ATL2: variants seen among roughly 807,000 people sequenced by gnomAD.
ATL2 encodes the protein atlastin GTPase 2.
In ATL2, 31 loss-of-function variants were observed where a neutral mutation model predicts 73.9. The ratio of observed to expected loss-of-function variants is 0.42; its 90% CI spans 0.32 to 0.57. ATL2 has a LOEUF of 0.57. Among genes scored for constraint, ATL2 ranks in the 20% least tolerant of loss-of-function variants. The pLI, the probability that ATL2 is intolerant of heterozygous loss-of-function variation, is 0.14. For synonymous variants in ATL2, 291 were observed against 237.5 expected (o/e 1.23, Z -2.07); for missense variants, 738 against 702.6 (o/e 1.05, Z -0.57).
At chr2:38,331,481 A>G (rs1184323832) in intron 2 of ATL2, among the ~76,000 whole-genome samples, 1 of 150,160 alleles carries the variant, frequency 6.7e-6, no homozygotes, top group Admixed American at 6.7e-5. Context: ...ATGGCAGCGC[A>G]TGCCTGTAGT....
intron 1 of ATL2, among the ~76,000 whole-genome samples, chr2:38,350,976 T>G (rs1670303679): frequency 6.6e-6 from 1 of 152,186 alleles, no homozygotes; most frequent in South Asian, 2.1e-4. Context: ...TATAATAAAA[T>G]GTAGCATTAA....
rs117743803 is a variant in ATL2 at position 38,300,717 on chromosome 2, C to G, written c.1072-389G>C. ...TGAGGCTGGAGTGCAGTGGGATGATCACAGCTTACTGCAACCTCGAATTCC... is the reference window on the plus strand; with the variant it reads ...TGAGGCTGGAGTGCAGTGGGATGATGACAGCTTACTGCAACCTCGAATTCC... On this transcript the variant is annotated intron_variant, in intron 9 of 12. Coordinates refer to ENST00000378954, the MANE Select transcript of ATL2 (RefSeq NM_001135673.4). 3.9e-4 allele frequency among the ~76,000 whole-genome samples: 59 copies of G among 151,910 alleles called. No individual in the cohort carries two copies. In the East Asian group the frequency reaches 9.7e-3, roughly 25 times the overall value.
intron 2 of ATL2, among the ~76,000 whole-genome samples, chr2:38,322,085 G>C (rs139679374): frequency 5.3e-5 from 8 of 151,810 alleles, no homozygotes; most frequent in Non-Finnish European, 1.0e-4. Flanking sequence ...AGTCTCTTGA[G>C]AGCAAAGGCT....
intron 1 of ATL2, 54 bp from the exon 2 acceptor site, chr2:38,343,566 T>C (rs1669854162): frequency 5.8e-6 from 9 of 1,546,282 alleles, no homozygotes; most frequent in South Asian, 4.7e-5. Context: ...TTACGAACTT[T>C]CATTAAGGAC....
intron 2 of ATL2, among the ~76,000 whole-genome samples, chr2:38,326,625 A>C (rs1462713358): frequency 6.6e-6 from 1 of 152,226 alleles, no homozygotes; most frequent in Non-Finnish European, 1.5e-5. Flanking sequence ...ATCTTGAAAG[A>C]AGCCAGGAAC....
intron 9 of ATL2, among the ~76,000 whole-genome samples, chr2:38,304,481 C>T (rs1008902134): frequency 6.6e-6 from 1 of 152,112 alleles, no homozygotes; most frequent in Non-Finnish European, 1.5e-5. Flanking sequence ...ATAGTAAACA[C>T]ACAGAAAAAC....
intron 2 of ATL2, among the ~76,000 whole-genome samples, chr2:38,325,652 ACAC>A (rs1260101593): frequency 2.8e-5 from 2 of 72,330 alleles, no homozygotes; most frequent in Non-Finnish European, 2.6e-5. Context: ...ACACACACAC[ACAC>A]ACCAGTACAC....
intron 1 of ATL2, among the ~76,000 whole-genome samples, chr2:38,368,314 G>A (rs1056757212): frequency 1.3e-5 from 2 of 149,340 alleles, no homozygotes; most frequent in African/African-American, 4.9e-5. Flanking sequence ...GCGCAATGGT[G>A]CAATCTCAGT....
chr2:38,367,541 G>A (rs1439792650), intron 1 of ATL2, among the ~76,000 whole-genome samples: 3 of 119,006 alleles, frequency 2.5e-5, no homozygotes, highest in Admixed American at 1.2e-4. Flanking sequence ...GGAAGGCGGA[G>A]CTTGCAGTGA....
At chr2:38,331,239 C>A (rs1463502501) in intron 2 of ATL2, among the ~76,000 whole-genome samples, 3 of 151,948 alleles carry the variant, frequency 2.0e-5, no homozygotes, top group Non-Finnish European at 2.9e-5. Flanking sequence ...TGGAGACCAT[C>A]CTGGCCAACT....
chr2:38,377,146 G>C lies in ATL2; in HGVS notation c.115C>G (p.Leu39Val), dbSNP rs747751291. ...CCTCTGCCTCGCTGGCCCGTACCTA[G>C]GGAGGTCGTGGACGAGACGTGGTTA... Reference protein sequence around the residue: ...AVNHVSSTTSLGENYEDDDLV... With the variant: ...AVNHVSSTTSVGENYEDDDLV... Residue 39 changes from leucine (L) to valine (V), a missense_variant, in exon 1 of 13, where the codon CTA becomes GTA. By Grantham distance (32) the Leu-to-Val change is conservative. Transcript: ENST00000378954. 25 of 1,610,210 alleles carry C rather than the reference G, an allele frequency of 1.6e-5. No individual in the cohort carries two copies. The African/African-American group carries it at 3.2e-4, about 21-fold the overall frequency.
chr2:38,357,485 C>T (rs1398794610), intron 1 of ATL2, among the ~76,000 whole-genome samples: 2 of 151,006 alleles, frequency 1.3e-5, no homozygotes, highest in Non-Finnish European at 2.9e-5. Flanking sequence ...GAAACCTCAT[C>T]TCTACTAAAA....
intron 9 of ATL2, among the ~76,000 whole-genome samples, chr2:38,308,135 A>G (rs1243094020): frequency 6.6e-6 from 1 of 152,242 alleles, no homozygotes; most frequent in Non-Finnish European, 1.5e-5. Flanking sequence ...ATCAGTATAT[A>G]GAAGATACAT....
intron 2 of ATL2, among the ~76,000 whole-genome samples, chr2:38,325,698 GTACACACACA>G (rs1558412137): frequency 4.9e-4 from 2 of 4,096 alleles, no homozygotes; most frequent in Non-Finnish European, 9.2e-4. Context: ...ACACACACCA[GTACACACACA>G]CACACACACA....
chr2:38,334,829 C>CCT (rs1239686839), intron 2 of ATL2, among the ~76,000 whole-genome samples: 2 of 69,920 alleles, frequency 2.9e-5, no homozygotes, highest in Non-Finnish European at 7.0e-5. Context: ...TAATATTCAA[C>CCT]ATTATAGTTA....
chr2:38,311,669 T>C (rs1282876128), intron 7 of ATL2, among the ~76,000 whole-genome samples: 2 of 152,202 alleles, frequency 1.3e-5, no homozygotes, highest in Non-Finnish European at 2.9e-5. Flanking sequence ...GTCAGGATAC[T>C]GGTAGAGGGT....
intron 2 of ATL2, among the ~76,000 whole-genome samples, chr2:38,333,792 A>G (rs1669139639): frequency 6.6e-6 from 1 of 152,218 alleles, no homozygotes; most frequent in South Asian, 2.1e-4. Context: ...AGTCTCTCCT[A>G]AAATGCTGCA....
chr2:38,316,484 T>C (rs1012994466), intron 4 of ATL2, among the ~76,000 whole-genome samples: 2 of 152,186 alleles, frequency 1.3e-5, no homozygotes, highest in Admixed American at 1.3e-4. Context: ...AGTATGTATT[T>C]GTTGAAGGAA....
At chr2:38,300,217 A>C in intron 10 of ATL2, 55 bp downstream of exon 10, 6 of 1,376,716 alleles carry the variant, frequency 4.4e-6, no homozygotes, top group Non-Finnish European at 6.0e-6. Flanking sequence ...AAAGATTTTT[A>C]TTCTCCCTCA....
Sources: gnomAD v4.1 joint callset for allele counts (sites outside exome capture counted in the v4.1 genomes callset) on GRCh38, gnomAD v4.1.1 for gene constraint, MANE v1.5 for transcripts, NCBI Gene and HGNC (gene_info 2026-07-23, HGNC 2026-07-21) for gene names.